ADCY8: variants seen among roughly 807,000 people sequenced by gnomAD.
ADCY8 encodes the protein adenylate cyclase type 8.
In ADCY8, 51 loss-of-function variants were observed where a neutral mutation model predicts 119.7. That is an observed-to-expected ratio of 0.43 (90% CI 0.34 to 0.54). The LOEUF is 0.54. ADCY8 is among the 20% of genes least tolerant of loss of function. The pLI is 0.03. For synonymous variants in ADCY8, 665 were observed against 651.0 expected (o/e 1.02, Z -0.33); for missense variants, 1,383 against 1,598.8 (o/e 0.87, Z 2.30).
intron 4 of ADCY8, among the ~76,000 whole-genome samples, chr8:130,942,956 T>C (rs879921988): frequency 9.9e-5 from 15 of 152,170 alleles, no homozygotes; most frequent in Non-Finnish European, 1.5e-4. Flanking sequence ...TTTGAGAACA[T>C]GCTAATTCAT....
intron 14 of ADCY8, among the ~76,000 whole-genome samples, chr8:130,806,836 C>T (rs557944086): frequency 4.6e-5 from 7 of 152,214 alleles, no homozygotes; most frequent in East Asian, 1.9e-4. Flanking sequence ...CCCTCTCACC[C>T]GTGACCCCTC....
chr8:130,931,020 T>G (rs2130609562), intron 5 of ADCY8, among the ~76,000 whole-genome samples: 1 of 152,354 alleles, frequency 6.6e-6, no homozygotes, highest in Non-Finnish European at 1.5e-5. Flanking sequence ...TACTTTGTAC[T>G]TATTTTTACC....
chr8:130,893,874 G>A (rs1340309588), intron 7 of ADCY8, among the ~76,000 whole-genome samples: 1 of 151,564 alleles, frequency 6.6e-6, no homozygotes, highest in Non-Finnish European at 1.5e-5. Context: ...GTTTATGTGT[G>A]TGTTTGCGGG....
rs1815221089 is a variant in ADCY8, at chr8:130,785,447, A to G, written c.3089T>C (p.Ile1030Thr). 1 of 1,610,812 alleles carries G rather than the reference A, an allele frequency of 6.2e-7. No individual in the cohort carries two copies. The highest frequency in any genetic ancestry group is 8.5e-7 in the Non-Finnish European group (1 of 1,178,380). The change falls in exon 16 of 18, where the codon ATT becomes ACT. Residue 1030 changes from isoleucine to threonine, a missense_variant. Coordinates refer to ENST00000286355, the MANE Select transcript of ADCY8 (RefSeq NM_001115.3). ...GCTGCCAATGGTCTTAATCTTTTCA[A>G]TGTCTTGAAATCGGTCTTCACCAAG... ...ELLGEDRFQD[I>T]EKIKTIGSTY...
intron 1 of ADCY8, among the ~76,000 whole-genome samples, chr8:131,019,874 T>A (rs1476882950): frequency 1.4e-5 from 2 of 141,548 alleles, no homozygotes; most frequent in Non-Finnish European, 3.1e-5. Context: ...TCTCTCTCAA[T>A]AAGGGAGTGT....
intron 3 of ADCY8, among the ~76,000 whole-genome samples, chr8:130,943,864 G>C (rs537590910): frequency 6.6e-6 from 1 of 152,256 alleles, no homozygotes; most frequent in South Asian, 2.1e-4. Context: ...TGGTCACAAG[G>C]GGCAGGGGCA....
intron 6 of ADCY8, among the ~76,000 whole-genome samples, chr8:130,905,202 T>C (rs375368633): frequency 6.6e-6 from 1 of 152,344 alleles, no homozygotes; most frequent in East Asian, 1.9e-4. Flanking sequence ...TTCTAAAAAA[T>C]GCCATTGTCA....
chr8:131,023,881 C>A (rs1005494620), intron 1 of ADCY8, among the ~76,000 whole-genome samples: 2 of 152,136 alleles, frequency 1.3e-5, no homozygotes, highest in African/African-American at 4.8e-5. Flanking sequence ...TTGTATAGAC[C>A]TTCCACAAAA....
At chr8:130,968,258 C>T (rs989704540) in intron 2 of ADCY8, among the ~76,000 whole-genome samples, 1 of 151,940 alleles carries the variant, frequency 6.6e-6, no homozygotes, top group Non-Finnish European at 1.5e-5. Flanking sequence ...CAAGCTCTGC[C>T]TTCTGGGTTC....
In ADCY8 at chr8:130,958,185, C is replaced by T. The variant is rs147710754; in HGVS notation, c.1111-6187G>A. On this transcript the variant is annotated intron_variant, in intron 2 of 17. Coordinates refer to ENST00000286355, the MANE Select transcript of ADCY8 (RefSeq NM_001115.3). The stretch of plus-strand genomic sequence containing the variant: ...TGGGAGGACCCAGGACATACCCCAA[C>T]GCCCACAAAAAATATGTGAATAAAT... 2.4e-4 allele frequency among the ~76,000 whole-genome samples: 36 copies of T among 152,260 alleles called. 1 individual carries two copies. The Middle Eastern group carries it at 0.017, about 72-fold the overall frequency.
At chr8:130,801,899 CT>C (rs34853195) in intron 14 of ADCY8, among the ~76,000 whole-genome samples, 4,156 of 97,736 alleles carry the variant, frequency 0.043, 55 homozygotes, top group African/African-American at 0.099. Context: ...TTGAGAATGC[CT>C]TTTTTTTTTT....
At position 131,040,089 on chromosome 8, in the gene ADCY8, T is replaced by G; in HGVS notation, c.245A>C (p.Gln82Pro). 1.3e-6 allele frequency: 2 copies of G among 1,530,848 alleles called. No homozygotes were observed. Among genetic ancestry groups the G allele is most frequent in the Non-Finnish European group, 8.7e-7 (1 of 1,144,566 alleles). The allele number at this position is 1,530,848 out of a possible 1,614,324, so 94.8% of individuals were successfully genotyped here. A position where few individuals can be genotyped will look rare whatever the true frequency, so the allele number is the denominator to read the frequency against. Reference protein sequence around the residue: ...AGGGPNHHAPQLSGDSALPLY... With the variant: ...AGGGPNHHAPPLSGDSALPLY... ...GGGCAGCGCCGAGTCGCCTGACAGC[T>G]GCGGCGCGTGGTGGTTGGGGCCGCC... Residue 82 changes from glutamine (Q) to proline (P), a missense_variant, in exon 1 of 18, where the codon CAG becomes CCG. This residue lies in a region of ADCY8 where 455 missense variants were observed against 435.3 expected (regional missense o/e 1.05). Transcript: ENST00000286355.
At chr8:130,806,925 A>T (rs1815978725) in intron 14 of ADCY8, among the ~76,000 whole-genome samples, 1 of 152,152 alleles carries the variant, frequency 6.6e-6, no homozygotes, top group Admixed American at 6.5e-5. Flanking sequence ...ACACCTTCCG[A>T]GACAGTCCCT....
intron 9 of ADCY8, among the ~76,000 whole-genome samples, chr8:130,850,168 G>A (rs1817473872): frequency 6.6e-6 from 1 of 152,060 alleles, no homozygotes; most frequent in Admixed American, 6.6e-5. Flanking sequence ...CTTCAAGGTG[G>A]GTTTTATGAA....
At chr8:130,786,863 G>A (rs1815263050) in intron 15 of ADCY8, among the ~76,000 whole-genome samples, 1 of 152,068 alleles carries the variant, frequency 6.6e-6, no homozygotes, top group African/African-American at 2.4e-5. Flanking sequence ...AGTTCTAAAG[G>A]GTGAGGAGGG....
chr8:131,001,936 C>T (rs908905332), intron 1 of ADCY8, among the ~76,000 whole-genome samples: 1 of 152,102 alleles, frequency 6.6e-6, no homozygotes, highest in Admixed American at 6.6e-5. Flanking sequence ...GACAGAGTGG[C>T]CTTCAGTCCT....
In ADCY8 at chr8:130,943,915, C is replaced by T. The variant is rs549592618; in HGVS notation, c.1242-453G>A. On this transcript the variant is annotated intron_variant, in intron 3 of 17. Transcript: ENST00000286355. ...TCATCTTGAACCCAATGACAGGTAC[C>T]GTACCCAAAATGGCAGGTAAATAGG... is the stretch of plus-strand genomic sequence containing the variant. Among the ~76,000 whole-genome samples the T allele has an allele frequency of 3.3e-5, 5 of 152,212 alleles. No individual in the cohort carries two copies. The East Asian group carries it at 5.8e-4, about 18-fold the overall frequency.
Position 131,037,651 on chromosome 8 carries a change from A to C in ADCY8, c.960+1723T>G, listed in dbSNP as rs556641236. ...TAGATGAAAAAAAGAGAAGGCAAAG[A>C]GAAGGAAAAAGAAGGAGGAAGGGGA... On this transcript the variant is annotated intron_variant, in intron 1 of 17. Coordinates refer to ENST00000286355, the MANE Select transcript of ADCY8 (RefSeq NM_001115.3). Among the ~76,000 whole-genome samples the C allele has an allele frequency of 3.8e-3, 579 of 152,298 alleles. 1 individual carries two copies. Among genetic ancestry groups the C allele is most frequent in the African/African-American group, 0.014 (563 of 41,570 alleles).
intron 7 of ADCY8, among the ~76,000 whole-genome samples, chr8:130,896,856 T>C (rs1443361892): frequency 1.3e-5 from 2 of 152,102 alleles, no homozygotes; most frequent in Non-Finnish European, 2.9e-5. Context: ...TTATGGATGG[T>C]AGAATTCTGA....
Sources: allele counts gnomAD v4.1 joint callset (sites outside exome capture counted in the v4.1 genomes callset), GRCh38; gene constraint gnomAD v4.1.1; regional missense constraint gnomAD v4.1.1; transcripts MANE v1.5; gene names NCBI Gene and HGNC (gene_info 2026-07-23, HGNC 2026-07-21).